CNTNAP5: variants seen among roughly 807,000 people sequenced by gnomAD.
CNTNAP5 encodes contactin associated protein family member 5, also known as contactin-associated protein-like 5.
A neutral mutation model predicts 150.2 loss-of-function variants in CNTNAP5; 72 were observed. The observed-to-expected ratio is 0.48, with a 90% confidence interval of 0.40 to 0.58. The LOEUF (loss-of-function observed/expected upper bound fraction) is 0.58, where lower values mean the gene tolerates loss of function less well. Among genes scored for constraint, CNTNAP5 ranks in the 20% least tolerant of loss-of-function variants. The probability of loss-of-function intolerance (pLI) is 0.00; values close to 1 mark genes in which losing one functional copy is unlikely to be tolerated. For missense variants in CNTNAP5, 1,636 were observed against 1,626.2 expected, an observed-to-expected ratio of 1.01 and a Z score of -0.10; for synonymous variants, 672 against 619.8, an observed-to-expected ratio of 1.08 and a Z score of -1.25.
Position 124,221,704 on chromosome 2 carries a change from G to C in CNTNAP5, c.83-1G>C. ...CTCCCTCTGTCCTCCTATCATTATA[G>C]ACAACTGTGATGATCCACTAGCATC... On this transcript the variant is annotated splice_acceptor_variant, in intron 1 of 23. Coordinates refer to ENST00000682447, the MANE Select transcript of CNTNAP5 (RefSeq NM_001367498.1). LOFTEE classifies it high-confidence loss of function. 1.3e-6 allele frequency: 2 copies of C among 1,597,058 alleles called. No homozygotes were observed. Among genetic ancestry groups the C allele is most frequent in the Non-Finnish European group, 1.7e-6 (2 of 1,166,574 alleles).
chr2:124,851,597 A>G (rs567423093), intron 19 of CNTNAP5, among the ~76,000 whole-genome samples: 15 of 152,176 alleles, frequency 9.9e-5, no homozygotes, highest in Non-Finnish European at 1.9e-4. Context: ...AGCTATTGAC[A>G]CGTCAGTAAA....
chr2:124,653,910 A>ACCCCC (rs1573525170), intron 13 of CNTNAP5, among the ~76,000 whole-genome samples: 1 of 18,382 alleles, frequency 5.4e-5, no homozygotes, highest in Admixed American at 5.5e-4. Flanking sequence ...CACTGCCCCC[A>ACCCCC]ACCCCCCCCC....
rs977710806 is a variant in CNTNAP5 at position 124,029,127 on chromosome 2, T to C, written c.82+3395T>C. Among the ~76,000 whole-genome samples the C allele has an allele frequency of 4.6e-5, 7 of 152,168 alleles. No homozygotes were observed. In the South Asian group the frequency reaches 1.4e-3, roughly 32 times the overall value. ...ATATTAGGGTCACACAAATACAGCA[T>C]TGAGAGAGGGATCAAAAACTCTTCA... On this transcript the variant is annotated intron_variant, in intron 1 of 23. Coordinates refer to ENST00000682447, the MANE Select transcript of CNTNAP5 (RefSeq NM_001367498.1).
intron 13 of CNTNAP5, among the ~76,000 whole-genome samples, chr2:124,667,706 T>G (rs920492145): frequency 6.6e-6 from 1 of 152,254 alleles, no homozygotes. Flanking sequence ...ATGTCTTCAT[T>G]TTTTAAGCAG....
intron 6 of CNTNAP5, among the ~76,000 whole-genome samples, chr2:124,447,870 A>G (rs923967380): frequency 6.6e-6 from 1 of 152,166 alleles, no homozygotes; most frequent in Non-Finnish European, 1.5e-5. Flanking sequence ...ATTCAAAAGA[A>G]TAGGCCATCA....
chr2:124,611,842 G>C (rs149448928), intron 12 of CNTNAP5, among the ~76,000 whole-genome samples: 1 of 152,124 alleles, frequency 6.6e-6, no homozygotes, highest in Non-Finnish European at 1.5e-5. Context: ...ACTGAGCTTC[G>C]ACTCTCTCTG....
chr2:124,365,176 C>T (rs1690338634), intron 3 of CNTNAP5, among the ~76,000 whole-genome samples: 1 of 151,972 alleles, frequency 6.6e-6, no homozygotes, highest in Non-Finnish European at 1.5e-5. Flanking sequence ...ATTAGCCGAG[C>T]ATGGTGATGT....
intron 6 of CNTNAP5, among the ~76,000 whole-genome samples, chr2:124,453,341 G>C (rs962808588): frequency 6.6e-6 from 1 of 151,770 alleles, no homozygotes; most frequent in Non-Finnish European, 1.5e-5. Flanking sequence ...AAAGAAAATA[G>C]AATAAGAAAA....
chr2:124,456,491 T>C (rs1419545615), intron 6 of CNTNAP5, among the ~76,000 whole-genome samples: 1 of 152,032 alleles, frequency 6.6e-6, no homozygotes. Flanking sequence ...TGACCATAAT[T>C]GCCAAAGTGA....
At chr2:124,297,810 TTTATTATTATTATTATTATTATTATTA>T (rs138310065) in intron 3 of CNTNAP5, among the ~76,000 whole-genome samples, 7 of 126,386 alleles carry the variant, frequency 5.5e-5, no homozygotes, top group South Asian at 5.1e-4. Flanking sequence ...CATCCAATTA[TTTATTATTATTATTATTATTATTATTA>T]TTATTATTAT....
intron 17 of CNTNAP5, among the ~76,000 whole-genome samples, chr2:124,786,402 G>GAAAGAAAGAAA (rs1558775115): frequency 3.1e-4 from 17 of 54,240 alleles, no homozygotes; most frequent in East Asian, 1.1e-3. Flanking sequence ...AAAGAAAGAA[G>GAAAGAAAGAAA]GAAGGAAGGA....
At chr2:124,622,745 A>T (rs1677644744) in intron 12 of CNTNAP5, among the ~76,000 whole-genome samples, 1 of 152,130 alleles carries the variant, frequency 6.6e-6, no homozygotes, top group Non-Finnish European at 1.5e-5. Context: ...ACACATGCAC[A>T]AGTGTCAACT....
At chr2:124,499,508 C>A (rs1694229458) in intron 7 of CNTNAP5, among the ~76,000 whole-genome samples, 1 of 152,126 alleles carries the variant, frequency 6.6e-6, no homozygotes, top group South Asian at 2.1e-4. Context: ...AAGGAAGGCA[C>A]AACGTATGTC....
intron 19 of CNTNAP5, among the ~76,000 whole-genome samples, chr2:124,851,575 A>G (rs10206035): frequency 0.26 from 40,135 of 152,144 alleles, 8,013 homozygotes; most frequent in African/African-American, 0.56. Flanking sequence ...GAAAGTCAGC[A>G]CATAGGGGTT....
chr2:124,655,923 A>AAGAGAGAG (rs138857798), intron 13 of CNTNAP5, among the ~76,000 whole-genome samples: 15 of 105,930 alleles, frequency 1.4e-4, no homozygotes, highest in Non-Finnish European at 7.7e-5. Context: ...GAAAGACAGA[A>AAGAGAGAG]AGAGAGAGAG....
At chr2:124,500,852 C>G (rs906593813) in intron 7 of CNTNAP5, among the ~76,000 whole-genome samples, 2 of 152,154 alleles carry the variant, frequency 1.3e-5, no homozygotes, top group Non-Finnish European at 2.9e-5. Context: ...GAGACCTACA[C>G]TTGGCGGGAC....
intron 11 of CNTNAP5, among the ~76,000 whole-genome samples, chr2:124,573,285 T>A (rs1696207225): frequency 6.6e-6 from 1 of 152,206 alleles, no homozygotes; most frequent in African/African-American, 2.4e-5. Flanking sequence ...TTTGAATACA[T>A]CTCAGTGATT....
At chr2:124,217,297 T>C (rs1018768785) in intron 1 of CNTNAP5, among the ~76,000 whole-genome samples, 2 of 152,160 alleles carry the variant, frequency 1.3e-5, no homozygotes, top group Non-Finnish European at 2.9e-5. Context: ...TTTTCTACAT[T>C]AAACACTAAT....
chr2:124,274,451 T>G (rs1156913748), intron 3 of CNTNAP5, among the ~76,000 whole-genome samples: 1 of 152,152 alleles, frequency 6.6e-6, no homozygotes, highest in Non-Finnish European at 1.5e-5. Flanking sequence ...TCCCATTTTG[T>G]GTGGATTGCA....
Sources: gnomAD v4.1 joint callset for allele counts (sites outside exome capture counted in the v4.1 genomes callset) on GRCh38, gnomAD v4.1.1 for gene constraint, MANE v1.5 for transcripts, NCBI Gene and HGNC (gene_info 2026-07-23, HGNC 2026-07-21) for gene names.